C1QTNF7: variants seen among roughly 807,000 people sequenced by gnomAD.
C1QTNF7 encodes the protein complement C1q tumor necrosis factor-related protein 7.
In C1QTNF7, 15 loss-of-function variants were observed where a neutral mutation model predicts 19.6. That is an observed-to-expected ratio of 0.76 (90% CI 0.51 to 1.18). C1QTNF7 has a LOEUF of 1.18. Ranked by LOEUF, C1QTNF7 falls within the 50% of genes most tolerant of loss-of-function variation. The pLI, the probability that C1QTNF7 is intolerant of heterozygous loss-of-function variation, is 0.00. For synonymous variants in C1QTNF7, 142 were observed against 137.5 expected, an observed-to-expected ratio of 1.03 and a Z score of -0.23; for missense variants, 324 against 359.7, an observed-to-expected ratio of 0.90 and a Z score of 0.80.
chr4:15,393,783 G>A (rs1021247831), intron 1 of C1QTNF7, among the ~76,000 whole-genome samples: 1 of 152,062 alleles, frequency 6.6e-6, no homozygotes, highest in Non-Finnish European at 1.5e-5. Context: ...ACCAAGACAG[G>A]GCTACTCACT....
chr4:15,340,011 T>C, exon 1 of C1QTNF7: 1 of 748,366 alleles, frequency 1.3e-6, no homozygotes, highest in South Asian at 1.6e-5. Context: ...AGCTCCAAGC[T>C]TCAAACGCAT....
chr4:15,346,133 TA>T (rs1258992583), intron 1 of C1QTNF7, among the ~76,000 whole-genome samples: 1 of 152,226 alleles, frequency 6.6e-6, no homozygotes, highest in Non-Finnish European at 1.5e-5. Context: ...ATAAACATAG[TA>T]TGGCTTTGTT....
chr4:15,411,589 G>A (rs1238967968), intron 1 of C1QTNF7, among the ~76,000 whole-genome samples: 1 of 152,186 alleles, frequency 6.6e-6, no homozygotes, highest in African/African-American at 2.4e-5. Context: ...GTGGAGCTGG[G>A]CTTCAAACCC....
At position 15,445,965 on chromosome 4, in the gene C1QTNF7, A is replaced by C. The variant is rs927749631; in HGVS notation, c.*3166A>C. ...GAGGCTAATATAATGCTGTGTGTAC[A>C]TGAACATGAATGTGCCTGTGTTACA... On this transcript the variant is annotated 3_prime_UTR_variant, in exon 3 of 3. Transcript: ENST00000444304. 3 of 152,340 alleles carry C rather than the reference A, an allele frequency of 2.0e-5. No homozygotes were observed. Among genetic ancestry groups the C allele is most frequent in the Non-Finnish European group, 4.4e-5 (3 of 68,026 alleles). 9.4% of individuals were successfully genotyped at this position (152,340 alleles called of 1,614,324 possible).
At chr4:15,378,294 G>A (rs149699215) in intron 1 of C1QTNF7, among the ~76,000 whole-genome samples, 134 of 152,332 alleles carry the variant, frequency 8.8e-4, no homozygotes, top group African/African-American at 2.4e-3. Flanking sequence ...TTTTAAGCCT[G>A]TTTCATCACC....
At chr4:15,390,748 A>T (rs546851723) in intron 1 of C1QTNF7, among the ~76,000 whole-genome samples, 1 of 152,338 alleles carries the variant, frequency 6.6e-6, no homozygotes, top group Non-Finnish European at 1.5e-5. Context: ...TTCCCTGAAC[A>T]CTCAGGAAAG....
chr4:15,411,146 A>C lies in C1QTNF7; in HGVS notation c.14-24590A>C, dbSNP rs568164793. Among the ~76,000 whole-genome samples, 28 of 152,326 alleles carry C rather than the reference A, an allele frequency of 1.8e-4. No homozygotes were observed. In the South Asian group the frequency reaches 5.8e-3, roughly 32 times the overall value. ...GAACTTATTATATTAATAACCATTT[A>C]CATTTATTGAGCACTTACAATGTGC... On this transcript the variant is annotated intron_variant, in intron 1 of 2. Coordinates refer to the C1QTNF7 transcript ENST00000295297.
intron 1 of C1QTNF7, among the ~76,000 whole-genome samples, chr4:15,428,313 T>A (rs1305526074): frequency 3.3e-5 from 5 of 152,206 alleles, no homozygotes; most frequent in African/African-American, 1.2e-4. Context: ...GTTCCCCATC[T>A]AACCTACCAC....
At chr4:15,412,643 CA>C (rs2108917834) in intron 1 of C1QTNF7, among the ~76,000 whole-genome samples, 1 of 152,320 alleles carries the variant, frequency 6.6e-6, no homozygotes, top group South Asian at 2.1e-4. Flanking sequence ...AAGCCCGTCT[CA>C]CCACGTATGG....
At chr4:15,412,097 G>C (rs1719424284) in intron 1 of C1QTNF7, among the ~76,000 whole-genome samples, 1 of 152,088 alleles carries the variant, frequency 6.6e-6, no homozygotes, top group African/African-American at 2.4e-5. Context: ...GAGGGATCTA[G>C]GTTGCACACT....
chr4:15,345,706 A>G (rs998930718), intron 1 of C1QTNF7, among the ~76,000 whole-genome samples: 3 of 152,220 alleles, frequency 2.0e-5, no homozygotes, highest in Non-Finnish European at 4.4e-5. Flanking sequence ...TTCAATAATC[A>G]TCAGCAAAAT....
chr4:15,412,602 C>A (rs1283397033), intron 1 of C1QTNF7, among the ~76,000 whole-genome samples: 2 of 152,176 alleles, frequency 1.3e-5, no homozygotes, highest in Admixed American at 6.5e-5. Context: ...AACCAGCCCA[C>A]CTCAAGACTC....
intron 1 of C1QTNF7, among the ~76,000 whole-genome samples, chr4:15,347,122 C>T (rs1217176265): frequency 6.6e-6 from 1 of 152,154 alleles, no homozygotes; most frequent in African/African-American, 2.4e-5. Context: ...ATGTGCCAGG[C>T]TCTTAAATAT....
At chr4:15,408,781 T>C (rs1719297442) in intron 1 of C1QTNF7, among the ~76,000 whole-genome samples, 1 of 152,148 alleles carries the variant, frequency 6.6e-6, no homozygotes, top group African/African-American at 2.4e-5. Context: ...AGCTGCTCAT[T>C]GGTGGAGAGG....
At chr4:15,364,383 G>A (rs886499528) in intron 1 of C1QTNF7, among the ~76,000 whole-genome samples, 26 of 152,112 alleles carry the variant, frequency 1.7e-4, no homozygotes, top group Non-Finnish European at 3.2e-4. Flanking sequence ...TCTAATGAGT[G>A]AGAAAAAAAT....
At chr4:15,347,221 T>C (rs28608871) in intron 1 of C1QTNF7, among the ~76,000 whole-genome samples, 2,649 of 152,268 alleles carry the variant, frequency 0.017, 70 homozygotes, top group African/African-American at 0.061. Context: ...ATCCAAGCTA[T>C]CAATCTCACC....
At chr4:15,389,840 T>C (rs1306367958) in intron 1 of C1QTNF7, among the ~76,000 whole-genome samples, 3 of 152,070 alleles carry the variant, frequency 2.0e-5, no homozygotes, top group Non-Finnish European at 2.9e-5. Flanking sequence ...GATTATAAAA[T>C]GTGAGTAGGT....
At chr4:15,391,339 C>A (rs780524020) in intron 1 of C1QTNF7, among the ~76,000 whole-genome samples, 19 of 152,038 alleles carry the variant, frequency 1.2e-4, no homozygotes, top group Non-Finnish European at 2.8e-4. Context: ...CACCTGCCCT[C>A]CCATGAATTA....
intron 1 of C1QTNF7, among the ~76,000 whole-genome samples, chr4:15,389,071 G>A (rs1475497889): frequency 1.3e-5 from 2 of 152,300 alleles, no homozygotes; most frequent in Middle Eastern, 3.4e-3. Flanking sequence ...AGGACAAGAA[G>A]GTAAAGGACA....
Sources: allele counts gnomAD v4.1 joint callset (sites outside exome capture counted in the v4.1 genomes callset), GRCh38; gene constraint gnomAD v4.1.1; transcripts MANE v1.5; gene names NCBI Gene and HGNC (gene_info 2026-07-23, HGNC 2026-07-21).